Variants in SCMH1 observed in about 807,000 individuals in gnomAD.
The protein encoded by SCMH1 is Scm polycomb group protein homolog 1, also known as polycomb protein SCMH1.
In SCMH1, 37 loss-of-function variants were observed where a neutral mutation model predicts 70.8. The ratio of observed to expected loss-of-function variants is 0.52; its 90% CI spans 0.40 to 0.69. The LOEUF (loss-of-function observed/expected upper bound fraction) is 0.69. SCMH1 is among the 30% of genes least tolerant of loss of function. The probability of loss-of-function intolerance (pLI) is 0.00; values close to 1 mark genes in which losing one functional copy is unlikely to be tolerated. For missense variants in SCMH1, 607 were observed against 827.3 expected (o/e 0.73, Z 3.27); for synonymous variants, 292 against 307.4 (o/e 0.95, Z 0.52).
At position 41,235,185 on chromosome 1, in the gene SCMH1, G is replaced by C. The variant is rs574318362; in HGVS notation, c.-118+6874C>G. ...AGACCTACAAAAACAGAAATTTTAT[G>C]GTTCACTCTAATATTAGTGGTGAGT... On this transcript the variant is annotated intron_variant, in intron 1 of 14. Transcript: ENST00000337495. Among the ~76,000 whole-genome samples the C allele has an allele frequency of 2.0e-3, 302 of 152,022 alleles. 2 individuals are homozygous for C. Among genetic ancestry groups the C allele is most frequent in the Non-Finnish European group, 2.8e-3 (192 of 68,002 alleles).
chr1:41,051,497 C>A lies in SCMH1; in HGVS notation c.1106-2607G>T, dbSNP rs570916500. Among the ~76,000 whole-genome samples, 3 of 152,174 alleles carry A rather than the reference C, an allele frequency of 2.0e-5. No homozygotes were observed. In the South Asian group the frequency reaches 6.2e-4, roughly 32 times the overall value. ...GCATTGTTATCACGGGATGACAGCT[C>A]CATGCATGTTATTGTCCCTGAAGAC... On this transcript the variant is annotated intron_variant, in intron 10 of 14. Transcript: ENST00000337495.
chr1:41,124,700 T>C (rs538781480), intron 6 of SCMH1, among the ~76,000 whole-genome samples: 1 of 152,030 alleles, frequency 6.6e-6, no homozygotes, highest in Non-Finnish European at 1.5e-5. Context: ...CTTCAACTCC[T>C]GGGCTCAGGT....
chr1:41,150,936 C>CAAAAAAAAAA (rs71062579), intron 5 of SCMH1, among the ~76,000 whole-genome samples: 1 of 76,500 alleles, frequency 1.3e-5, no homozygotes, highest in East Asian at 3.6e-4. Flanking sequence ...GACACCATCT[C>CAAAAAAAAAA]AAAAAAAAAA....
At chr1:41,067,343 C>T (rs924756306) in intron 10 of SCMH1, among the ~76,000 whole-genome samples, 3 of 151,010 alleles carry the variant, frequency 2.0e-5, no homozygotes, top group Non-Finnish European at 4.4e-5. Context: ...ACTCGGAAGG[C>T]TGAGGCAGGA....
At chr1:41,028,791 C>T (rs1452250024) in intron 13 of SCMH1, 65 bp from the exon 15 acceptor site, 3 of 1,564,966 alleles carry the variant, frequency 1.9e-6, no homozygotes, top group Non-Finnish European at 8.7e-7. Flanking sequence ...CACCACTCTC[C>T]TTGGCACATC....
chr1:41,106,188 T>C (rs889580360), intron 8 of SCMH1, among the ~76,000 whole-genome samples: 4 of 151,750 alleles, frequency 2.6e-5, no homozygotes, highest in Non-Finnish European at 5.9e-5. Context: ...AGTTCTTGAT[T>C]TAGTTTGGAT....
intron 1 of SCMH1, among the ~76,000 whole-genome samples, chr1:41,218,587 A>G (rs1202565098): frequency 2.0e-5 from 3 of 152,322 alleles, no homozygotes; most frequent in South Asian, 4.1e-4. Flanking sequence ...CCAGACTGAG[A>G]GAATAAATTT....
intron 6 of SCMH1, among the ~76,000 whole-genome samples, chr1:41,126,027 T>C (rs1020823226): frequency 1.3e-5 from 2 of 152,192 alleles, no homozygotes; most frequent in Non-Finnish European, 2.9e-5. Flanking sequence ...TGCATACATA[T>C]AAATATATTT....
chr1:41,204,819 A>G (rs1046073702), intron 1 of SCMH1, among the ~76,000 whole-genome samples: 4 of 152,174 alleles, frequency 2.6e-5, no homozygotes, highest in Non-Finnish European at 4.4e-5. Context: ...ATTCAGCATT[A>G]TATCCCAGCA....
chr1:41,038,267 T>C (rs1002251634), intron 12 of SCMH1, among the ~76,000 whole-genome samples: 1 of 152,228 alleles, frequency 6.6e-6, no homozygotes, highest in Admixed American at 6.5e-5. Context: ...GTGATGTTTC[T>C]ATACCCAGTC....
intron 6 of SCMH1, among the ~76,000 whole-genome samples, chr1:41,141,153 T>C (rs1644034092): frequency 6.6e-6 from 1 of 152,262 alleles, no homozygotes; most frequent in Non-Finnish European, 1.5e-5. Context: ...ATTCCATTAA[T>C]TTATGTAGAC....
At chr1:41,082,762 A>C (rs1660416683) in intron 8 of SCMH1, among the ~76,000 whole-genome samples, 1 of 152,320 alleles carries the variant, frequency 6.6e-6, no homozygotes, top group East Asian at 1.9e-4. Flanking sequence ...AGCACATCAA[A>C]AAGCTTATCC....
chr1:41,121,590 G>A (rs1671965134), intron 6 of SCMH1, among the ~76,000 whole-genome samples: 2 of 152,304 alleles, frequency 1.3e-5, no homozygotes, highest in South Asian at 4.1e-4. Flanking sequence ...TCAGTGCTCA[G>A]TCATTGCTTC....
intron 6 of SCMH1, among the ~76,000 whole-genome samples, chr1:41,129,020 C>T (rs1216751567): frequency 1.3e-5 from 2 of 151,990 alleles, no homozygotes; most frequent in African/African-American, 4.8e-5. Context: ...AATCTAAATC[C>T]TACATTTCTC....
chr1:41,240,751 T>C (rs1232718144), intron 1 of SCMH1, among the ~76,000 whole-genome samples: 1 of 151,936 alleles, frequency 6.6e-6, no homozygotes, highest in East Asian at 1.9e-4. Context: ...GTTTTCTTTT[T>C]TTTTTTTTTT....
chr1:41,033,868 T>C (rs74545213), intron 13 of SCMH1, 115 bp downstream of exon 14: 145,535 of 1,477,908 alleles, frequency 0.098, 7,720 homozygotes, highest in Admixed American at 0.14. Context: ...TTGGAGATGC[T>C]TAGGGAACAA....
chr1:41,184,744 T>C (rs547878038), intron 2 of SCMH1, among the ~76,000 whole-genome samples: 13 of 152,220 alleles, frequency 8.5e-5, no homozygotes, highest in African/African-American at 3.1e-4. Context: ...ATGACCACTT[T>C]TCACCAAAGA....
chr1:41,070,483 A>G (rs1656089827), intron 10 of SCMH1, 112 bp downstream of exon 10: 1 of 1,354,790 alleles, frequency 7.4e-7, no homozygotes, highest in African/African-American at 1.5e-5. Flanking sequence ...TTTTAAAAAT[A>G]TTTTACCTAG....
At chr1:41,163,253 C>T (rs570185059) in intron 2 of SCMH1, among the ~76,000 whole-genome samples, 9 of 151,896 alleles carry the variant, frequency 5.9e-5, no homozygotes, top group East Asian at 5.8e-4. Flanking sequence ...TGCCCACTTG[C>T]GGCAGGAGCT....
Sources: allele counts gnomAD v4.1 joint callset (sites outside exome capture counted in the v4.1 genomes callset), GRCh38; gene constraint gnomAD v4.1.1; transcripts MANE v1.5; gene names NCBI Gene and HGNC (gene_info 2026-07-23, HGNC 2026-07-21).